Variants in RERE observed in about 807,000 individuals in gnomAD.
RERE encodes the protein arginine-glutamic acid dipeptide repeats, also known as arginine-glutamic acid dipeptide repeats protein.
A neutral mutation model predicts 146.1 loss-of-function variants in RERE; 40 were observed. The ratio of observed to expected loss-of-function variants is 0.27; its 90% confidence interval spans 0.21 to 0.36. The LOEUF is 0.36. Among genes scored for constraint, RERE ranks in the 10% least tolerant of loss-of-function variants. RERE has a pLI of 1.00. For missense variants in RERE, 1,933 were observed against 2,138.7 expected, an observed-to-expected ratio of 0.90 and a Z score of 1.90; for synonymous variants, 1,003 against 866.0, an observed-to-expected ratio of 1.16 and a Z score of -2.78.
intron 1 of RERE, chr1:8,751,124 G>A (rs1640526217): frequency 2.5e-6 from 1 of 393,838 alleles, no homozygotes; most frequent in Non-Finnish European, 4.7e-6. Context: ...CTGCTCCAAA[G>A]TGCTTGAAAC....
rs1641316071 is a variant in RERE, at chr1:8,356,881, C to T, written c.4340-635G>A. On this transcript the variant is annotated intron_variant, in intron 20 of 22. Coordinates refer to ENST00000400908, the MANE Select transcript of RERE (RefSeq NM_001042681.2). This position sits in a 1 kb window ranked among gnomAD's most constrained non-coding sequence, Gnocchi z 5.2. ...GCAGGGATTTCAGGGTTGCCACCTCCAGCCATGCTGCCCTGGGGTCCCTGG... is the reference window on the plus strand; with the variant it reads ...GCAGGGATTTCAGGGTTGCCACCTCTAGCCATGCTGCCCTGGGGTCCCTGG... Among the ~76,000 whole-genome samples, 1 of 152,196 alleles carries T rather than the reference C, an allele frequency of 6.6e-6. No individual in the cohort carries two copies. The highest frequency in any genetic ancestry group is 2.4e-5 in the African/African-American group (1 of 41,434).
intron 2 of RERE, among the ~76,000 whole-genome samples, chr1:8,635,942 TTTATTTTATC>T (rs58526863): frequency 8.2e-5 from 5 of 60,716 alleles, no homozygotes; most frequent in African/African-American, 1.4e-4. Flanking sequence ...CAATTATTAT[TTTATTTTATC>T]TTATCTTATC....
intron 7 of RERE, among the ~76,000 whole-genome samples, chr1:8,530,679 CTTTTTTTTTTTTTTTT>C (rs1197212764): frequency 2.1e-5 from 2 of 96,950 alleles, no homozygotes; most frequent in South Asian, 3.6e-4. Context: ...TTTTCGTTTT[CTTTTTTTTTTTTTTTT>C]TTTTTTTGAG....
chr1:8,560,163 T>C (rs986865251), intron 4 of RERE, among the ~76,000 whole-genome samples: 3 of 152,204 alleles, frequency 2.0e-5, no homozygotes, highest in African/African-American at 4.8e-5. Context: ...TAAAATACGC[T>C]GTCTATAATA....
At chr1:8,355,695 G>C in intron 21 of RERE, 96 bp from the exon 22 acceptor site, 1 of 1,109,036 alleles carries the variant, frequency 9.0e-7, no homozygotes, top group Non-Finnish European at 1.3e-6. Context: ...GAGCACAGGA[G>C]AGGTGCCAGT....
chr1:8,529,373 T>G (rs1222569538), intron 7 of RERE, among the ~76,000 whole-genome samples: 3 of 145,996 alleles, frequency 2.1e-5, no homozygotes, highest in Non-Finnish European at 4.5e-5. Context: ...CACTGCAAGC[T>G]CCGGGTCCTA....
chr1:8,727,096 G>C (rs1639984572), intron 1 of RERE, among the ~76,000 whole-genome samples: 1 of 151,716 alleles, frequency 6.6e-6, no homozygotes, highest in Admixed American at 6.6e-5. Context: ...TGAGCCACTG[G>C]GCCCAGCCAA....
At position 8,364,736 on chromosome 1, in the gene RERE, G is replaced by T. The variant is rs150863133; in HGVS notation, c.1540+10C>A. On this transcript the variant is annotated intron_variant, in intron 14 of 22. Coordinates refer to ENST00000400908, the MANE Select transcript of RERE (RefSeq NM_001042681.2). This position sits in a 1 kb window ranked among gnomAD's most constrained non-coding sequence, Gnocchi z 5.1. The stretch of plus-strand genomic sequence containing the variant: ...CCGCCCCGCCCCAGGAGCGTGACGA[G>T]GCCACTTACTGGTGGTGAAGCAGTG... 2 of 1,607,592 alleles carry T rather than the reference G, an allele frequency of 1.2e-6. No individual in the cohort carries two copies. The highest frequency in any genetic ancestry group is 1.7e-6 in the Non-Finnish European group (2 of 1,174,200).
intron 10 of RERE, among the ~76,000 whole-genome samples, chr1:8,468,318 C>A (rs1401411965): frequency 6.6e-6 from 1 of 152,096 alleles, no homozygotes; most frequent in Non-Finnish European, 1.5e-5. Flanking sequence ...ATAAAAAGAT[C>A]TGAAATAAAG....
intron 7 of RERE, among the ~76,000 whole-genome samples, chr1:8,540,682 C>T (rs1206671222): frequency 6.6e-6 from 1 of 152,156 alleles, no homozygotes; most frequent in African/African-American, 2.4e-5. Flanking sequence ...GTAATTCAAA[C>T]TGTTACATAG....
At chr1:8,549,479 A>T (rs544336562) in intron 6 of RERE, among the ~76,000 whole-genome samples, 30 of 152,354 alleles carry the variant, frequency 2.0e-4, no homozygotes, top group African/African-American at 6.7e-4. Context: ...AGATTTCTTT[A>T]CTACAGTGGA....
At chr1:8,552,621 A>G (rs143979023) in intron 6 of RERE, among the ~76,000 whole-genome samples, 1 of 152,324 alleles carries the variant, frequency 6.6e-6, no homozygotes, top group African/African-American at 2.4e-5. Flanking sequence ...CTTAACTTTA[A>G]CCATCCCCCA....
At chr1:8,685,416 C>G in intron 1 of RERE, among the ~76,000 whole-genome samples, 1 of 59,600 alleles carries the variant, frequency 1.7e-5, no homozygotes, top group South Asian at 3.7e-4. Flanking sequence ...CCTAAGAAAT[C>G]CACAATAAAG....
intron 4 of RERE, among the ~76,000 whole-genome samples, chr1:8,586,589 G>T (rs761355104): frequency 6.6e-6 from 1 of 152,056 alleles, no homozygotes; most frequent in Non-Finnish European, 1.5e-5. Context: ...GAAGGGAAGC[G>T]AATCTAAAAG....
At chr1:8,568,388 G>A (rs1461700220) in intron 4 of RERE, among the ~76,000 whole-genome samples, 2 of 152,146 alleles carry the variant, frequency 1.3e-5, no homozygotes, top group Admixed American at 6.5e-5. Flanking sequence ...GATGGCCTGC[G>A]ATGGTCTAAA....
intron 7 of RERE, among the ~76,000 whole-genome samples, chr1:8,518,969 T>C (rs1248233438): frequency 1.3e-5 from 2 of 152,148 alleles, no homozygotes; most frequent in Non-Finnish European, 2.9e-5. Context: ...AAAAGAAACA[T>C]CATTGTACTT....
At chr1:8,611,055 T>C (rs1246132977) in intron 4 of RERE, among the ~76,000 whole-genome samples, 10 of 151,878 alleles carry the variant, frequency 6.6e-5, no homozygotes, top group Non-Finnish European at 1.3e-4. Flanking sequence ...AATTGCCAGG[T>C]GTGGTGGAAT....
intron 1 of RERE, among the ~76,000 whole-genome samples, chr1:8,693,711 C>T (rs1430349683): frequency 2.0e-5 from 3 of 152,040 alleles, no homozygotes; most frequent in Admixed American, 6.5e-5. Context: ...GAATGTATAA[C>T]ACCAAGAGTG....
intron 12 of RERE, among the ~76,000 whole-genome samples, chr1:8,421,734 A>G (rs535447943): frequency 2.0e-5 from 3 of 152,220 alleles, no homozygotes; most frequent in Non-Finnish European, 4.4e-5. Context: ...AAGCCAAAAA[A>G]CCCAAATTAT....
Sources: allele counts gnomAD v4.1 joint callset (sites outside exome capture counted in the v4.1 genomes callset), GRCh38; gene constraint gnomAD v4.1.1; non-coding constraint Gnocchi (gnomAD v3.1); transcripts MANE v1.5; gene names NCBI Gene and HGNC (gene_info 2026-07-23, HGNC 2026-07-21).